Variants in DMD observed in about 807,000 individuals in gnomAD.
DMD encodes the protein dystrophin.
DMD carries 63 observed loss-of-function variants against 330.1 expected under a neutral mutation model. That is an observed-to-expected ratio of 0.19 (90% confidence interval 0.16 to 0.24). The LOEUF (loss-of-function observed/expected upper bound fraction) is 0.24, where lower values mean the gene tolerates loss of function less well. Ranked by LOEUF, DMD falls within the 10% of genes least tolerant of loss-of-function variation. The pLI, the probability that DMD is intolerant of heterozygous loss-of-function variation, is 1.00. For missense variants in DMD, 3,344 were observed against 2,684.1 expected (o/e 1.25, Z -5.43); for synonymous variants, 1,223 against 959.8 (o/e 1.27, Z -5.07).
At chrX:32,302,645 A>G (rs748643017) in intron 42 of DMD, among the ~76,000 whole-genome samples, 4 of 111,687 alleles carry the variant, frequency 3.6e-5, no homozygotes, top group Non-Finnish European at 7.6e-5. Flanking sequence ...ACATTCTTAA[A>G]GGTAATTTGT....
intron 59 of DMD, among the ~76,000 whole-genome samples, chrX:31,466,783 C>G (rs754036568): frequency 3.9e-4 from 44 of 111,674 alleles, no homozygotes; most frequent in Admixed American, 1.0e-3. Flanking sequence ...TTGATTCTTC[C>G]TATCCATGAG....
chrX:32,575,117 C>A (rs1209830651), intron 13 of DMD, among the ~76,000 whole-genome samples: 1 of 110,917 alleles, frequency 9.0e-6, no homozygotes, highest in African/African-American at 3.3e-5. Context: ...AGGCTGCTCT[C>A]GAACTCCTGA....
At chrX:32,330,975 C>A (rs537364847) in intron 41 of DMD, among the ~76,000 whole-genome samples, 1 of 111,336 alleles carries the variant, frequency 9.0e-6, no homozygotes, top group African/African-American at 3.3e-5. Flanking sequence ...AAATCATCAA[C>A]AAAACTCTGT....
At chrX:32,809,459 A>G in intron 7 of DMD, 34 bp downstream of exon 7, 1 of 1,088,100 alleles carries the variant, frequency 9.2e-7, no homozygotes. Flanking sequence ...ACTCTACCAT[A>G]CTAAAAGCAG....
At chrX:32,124,536 T>C (rs781594096) in intron 44 of DMD, among the ~76,000 whole-genome samples, 2 of 112,283 alleles carry the variant, frequency 1.8e-5, no homozygotes, top group Non-Finnish European at 3.8e-5. Context: ...TGGATACATG[T>C]CAGGAACATG....
intron 44 of DMD, among the ~76,000 whole-genome samples, chrX:32,203,483 T>G (rs2097050223): frequency 8.9e-6 from 1 of 112,455 alleles, no homozygotes; most frequent in Admixed American, 9.4e-5. Flanking sequence ...AACAGTAAAT[T>G]TTAAGGAAAA....
intron 7 of DMD, among the ~76,000 whole-genome samples, chrX:32,784,175 G>A (rs943883235): frequency 8.9e-6 from 1 of 111,769 alleles, no homozygotes; most frequent in African/African-American, 3.2e-5. Context: ...CCTCCCTTAT[G>A]TATTTTATTG....
chrX:32,886,330 T>A (rs1170953469), intron 2 of DMD, among the ~76,000 whole-genome samples: 3 of 109,629 alleles, frequency 2.7e-5, no homozygotes, highest in Non-Finnish European at 3.8e-5. Flanking sequence ...TGGTAAAAAA[T>A]AATAATAATA....
intron 44 of DMD, among the ~76,000 whole-genome samples, chrX:32,051,938 A>G (rs1462099952): frequency 3.6e-5 from 4 of 111,889 alleles, no homozygotes; most frequent in African/African-American, 9.7e-5. Flanking sequence ...ACAACATTCA[A>G]TAAGGCCACC....
At chrX:32,896,604 G>T (rs1325680807) in intron 2 of DMD, among the ~76,000 whole-genome samples, 3 of 111,770 alleles carry the variant, frequency 2.7e-5, no homozygotes, top group African/African-American at 9.8e-5. Context: ...TTGGTGTCAC[G>T]TAACACTCCA....
At chrX:32,324,956 G>T (rs977136413) in intron 41 of DMD, among the ~76,000 whole-genome samples, 9 of 111,077 alleles carry the variant, frequency 8.1e-5, no homozygotes, top group Admixed American at 3.8e-4. Context: ...AAATGTAGAA[G>T]AATAATAGAA....
chrX:31,277,548 T>C (rs189417483), intron 62 of DMD, among the ~76,000 whole-genome samples: 1 of 111,680 alleles, frequency 9.0e-6, no homozygotes, highest in Admixed American at 9.5e-5. Flanking sequence ...GCATGGGATC[T>C]AAGGTGGGAG....
intron 9 of DMD, among the ~76,000 whole-genome samples, chrX:32,655,059 C>T (rs973363351): frequency 4.5e-5 from 5 of 111,101 alleles, no homozygotes; most frequent in African/African-American, 1.3e-4. Flanking sequence ...GTCTTGCTAG[C>T]GATCTATCAA....
chrX:32,362,644 G>C (rs2097841130), intron 37 of DMD, 144 bp downstream of exon 37: 1 of 611,394 alleles, frequency 1.6e-6, no homozygotes, highest in Non-Finnish European at 2.7e-6. Context: ...ATAATCAGTG[G>C]TAAAATTTCC....
chrX:31,988,239 A>G (rs957700444), intron 44 of DMD, among the ~76,000 whole-genome samples: 27 of 110,153 alleles, frequency 2.5e-4, no homozygotes, highest in Admixed American at 1.7e-3. Flanking sequence ...TTGGGAGGCC[A>G]AGGTGGGTGG....
At position 33,005,309 on chromosome X, in the gene DMD, T is replaced by TATATAA. The variant is rs745454756; in HGVS notation, c.93+14829_93+14830insTTATAT. ...ACACACACACACGCATATATATATA[T>TATATAA]AATATGTCAACAAAATTATTCAATT... On this transcript the variant is annotated intron_variant, in intron 2 of 78. Transcript: ENST00000357033. 4.3e-3 allele frequency among the ~76,000 whole-genome samples: 461 copies of TATATAA among 108,181 alleles called. 1 individual carries two copies. The highest frequency in any genetic ancestry group is 0.014 in the African/African-American group (428 of 29,976). The allele number at this position is 108,181 out of a possible 115,157, so 93.9% of individuals were successfully genotyped here. A position where few individuals can be genotyped will look rare whatever the true frequency, so the allele number is the denominator to read the frequency against.
At chrX:32,204,436 T>A (rs907922917) in intron 44 of DMD, among the ~76,000 whole-genome samples, 1 of 112,182 alleles carries the variant, frequency 8.9e-6, no homozygotes, top group African/African-American at 3.2e-5. Context: ...TTGTATTACA[T>A]CTTTCTGTGT....
chrX:32,718,059 G>T (rs2065909676), intron 7 of DMD, among the ~76,000 whole-genome samples: 1 of 111,168 alleles, frequency 9.0e-6, no homozygotes, highest in South Asian at 3.8e-4. Flanking sequence ...TTGGACTGTG[G>T]ACTTTTGAAC....
intron 52 of DMD, among the ~76,000 whole-genome samples, chrX:31,704,275 A>G (rs1173321936): frequency 9.0e-6 from 1 of 111,626 alleles, no homozygotes; most frequent in African/African-American, 3.3e-5. Flanking sequence ...GGAAACAAAA[A>G]ACACTCTGTC....
Sources: gnomAD v4.1 joint callset for allele counts (sites outside exome capture counted in the v4.1 genomes callset) on GRCh38, gnomAD v4.1.1 for gene constraint, MANE v1.5 for transcripts, NCBI Gene and HGNC (gene_info 2026-07-23, HGNC 2026-07-21) for gene names.